DGKI: variants seen among roughly 807,000 people sequenced by gnomAD.
DGKI encodes DAG kinase iota.
DGKI carries 55 observed loss-of-function variants against 147.5 expected under a neutral mutation model. The observed-to-expected ratio is 0.37, with a 90% CI of 0.30 to 0.47. The LOEUF (loss-of-function observed/expected upper bound fraction) is 0.47, where lower values mean the gene tolerates loss of function less well. Ranked by LOEUF, DGKI falls within the 20% of genes least tolerant of loss-of-function variation. The probability of loss-of-function intolerance (pLI) is 1.00; values close to 1 mark genes in which losing one functional copy is unlikely to be tolerated. For synonymous variants in DGKI, 469 were observed against 477.1 expected (o/e 0.98, Z 0.22); for missense variants, 1,007 against 1,323.8 (o/e 0.76, Z 3.71).
intron 1 of DGKI, among the ~76,000 whole-genome samples, chr7:137,738,687 T>C (rs968052976): frequency 2.0e-5 from 3 of 151,340 alleles, no homozygotes; most frequent in Admixed American, 6.6e-5. Flanking sequence ...CTGTCTTATG[T>C]GAACACTTTT....
chr7:137,805,760 T>A (rs1029508019), intron 1 of DGKI, among the ~76,000 whole-genome samples: 1 of 152,226 alleles, frequency 6.6e-6, no homozygotes, highest in African/African-American at 2.4e-5. Context: ...CAGATGGGCA[T>A]AATCTCTTAG....
chr7:137,783,083 T>C (rs2351857), intron 1 of DGKI, among the ~76,000 whole-genome samples: 84,262 of 151,950 alleles, frequency 0.55, 25,993 homozygotes, highest in African/African-American at 0.85. Flanking sequence ...ATTAACACCC[T>C]GAAAAATCAT....
At chr7:137,455,845 C>T (rs145805398) in intron 27 of DGKI, among the ~76,000 whole-genome samples, 4 of 152,224 alleles carry the variant, frequency 2.6e-5, no homozygotes, top group South Asian at 4.1e-4. Flanking sequence ...TCACATTCCT[C>T]AACTCCACAC....
At chr7:137,469,826 T>A (rs2293546) in intron 23 of DGKI, among the ~76,000 whole-genome samples, 1 of 152,166 alleles carries the variant, frequency 6.6e-6, no homozygotes, top group African/African-American at 2.4e-5. Context: ...AAAATTAGCA[T>A]GAGGTTTTTA....
At chr7:137,580,035 A>C (rs1585251774) in intron 15 of DGKI, among the ~76,000 whole-genome samples, 1 of 152,226 alleles carries the variant, frequency 6.6e-6, no homozygotes, top group South Asian at 2.1e-4. Context: ...AGTTCAAGGA[A>C]GTGAATCATT....
chr7:137,649,223 T>C (rs1199521670), intron 5 of DGKI, among the ~76,000 whole-genome samples: 2 of 152,194 alleles, frequency 1.3e-5, no homozygotes, highest in Admixed American at 1.3e-4. Context: ...ATCAATTGCC[T>C]TCATCGATAA....
At chr7:137,493,128 T>C (rs1038439744) in intron 21 of DGKI, among the ~76,000 whole-genome samples, 3 of 152,136 alleles carry the variant, frequency 2.0e-5, no homozygotes, top group Non-Finnish European at 4.4e-5. Context: ...GAGCGCAACC[T>C]GCCCCCATCC....
intron 19 of DGKI, among the ~76,000 whole-genome samples, chr7:137,555,166 G>A (rs370064347): frequency 1.5e-4 from 22 of 151,406 alleles, no homozygotes; most frequent in African/African-American, 5.3e-4. Flanking sequence ...CTCCCGCCTC[G>A]GCCTCCCAAA....
At chr7:137,513,883 C>T (rs1032919536) in intron 21 of DGKI, 29 of 697,492 alleles carry the variant, frequency 4.2e-5, no homozygotes, top group African/African-American at 1.4e-4. Context: ...GAGGAAGAAG[C>T]GAATGCGCAG....
intron 1 of DGKI, among the ~76,000 whole-genome samples, chr7:137,710,088 A>G: frequency 6.6e-6 from 1 of 152,210 alleles, no homozygotes; most frequent in South Asian, 2.1e-4. Flanking sequence ...GAGAGAATTG[A>G]AGAGAGAATT....
chr7:137,656,788 A>AAAT (rs1256063875), intron 3 of DGKI, among the ~76,000 whole-genome samples: 38 of 152,112 alleles, frequency 2.5e-4, no homozygotes, highest in Admixed American at 9.2e-4. Flanking sequence ...TTGTCTCTTC[A>AAAT]AATAATAATA....
intron 28 of DGKI, among the ~76,000 whole-genome samples, chr7:137,432,771 A>G (rs1044452309): frequency 3.9e-5 from 6 of 152,160 alleles, no homozygotes; most frequent in African/African-American, 1.4e-4. Context: ...GGTTGTATAG[A>G]CTGTCAAACA....
intron 27 of DGKI, among the ~76,000 whole-genome samples, chr7:137,456,699 T>A (rs1328255970): frequency 6.6e-6 from 1 of 152,244 alleles, no homozygotes; most frequent in Non-Finnish European, 1.5e-5. Flanking sequence ...CATACTCTAA[T>A]CATTGGCAAA....
chr7:137,515,826 CATT>C (rs1026861431), intron 21 of DGKI, among the ~76,000 whole-genome samples: 2 of 151,756 alleles, frequency 1.3e-5, no homozygotes, highest in African/African-American at 4.8e-5. Flanking sequence ...GTGTGTTAAC[CATT>C]ATTATTATTA....
chr7:137,511,450 T>C (rs1816578212), intron 21 of DGKI, among the ~76,000 whole-genome samples: 1 of 152,268 alleles, frequency 6.6e-6, no homozygotes, highest in Admixed American at 6.5e-5. Flanking sequence ...TTTACTTTGC[T>C]AATTCAGACA....
intron 3 of DGKI, among the ~76,000 whole-genome samples, chr7:137,678,258 G>A (rs772401794): frequency 4.0e-5 from 6 of 151,848 alleles, no homozygotes; most frequent in East Asian, 3.9e-4. Context: ...ACACTACCTC[G>A]TACACATTTA....
intron 1 of DGKI, chr7:137,721,958 G>A: frequency 7.4e-7 from 1 of 1,352,286 alleles, no homozygotes; most frequent in Non-Finnish European, 1.0e-6. Context: ...TAGAAGTATA[G>A]CATAGTGAGC....
chr7:137,529,168 T>C (rs1563070310), intron 20 of DGKI, among the ~76,000 whole-genome samples: 2 of 152,184 alleles, frequency 1.3e-5, no homozygotes. Context: ...CATGGAAATT[T>C]GTAATAAATT....
chr7:137,403,195 A>G (rs970022403), intron 30 of DGKI, among the ~76,000 whole-genome samples: 5 of 152,162 alleles, frequency 3.3e-5, no homozygotes, highest in African/African-American at 1.2e-4. Flanking sequence ...TCTCTGTGGA[A>G]TTATTAACTC....
Sources: allele counts gnomAD v4.1 joint callset (sites outside exome capture counted in the v4.1 genomes callset), GRCh38; gene constraint gnomAD v4.1.1; transcripts MANE v1.5; gene names NCBI Gene and HGNC (gene_info 2026-07-23, HGNC 2026-07-21).